The following RPSA2 variants were observed in gnomAD, a reference collection of about 807,000 sequenced individuals.
The protein encoded by RPSA2 is ribosomal protein SA 2, also known as small ribosomal subunit protein uS2B.
the RPSA2 span, among the ~76,000 whole-genome samples, chr19:23,800,190 G>A: frequency 2.5e-5 from 1 of 40,196 alleles, no homozygotes; most frequent in Non-Finnish European, 5.1e-5. Flanking sequence ...CACTATGCCC[G>A]TCTTTTTTAT....
chr19:23,833,492 C>T, the RPSA2 span, among the ~76,000 whole-genome samples: 1 of 152,024 alleles, frequency 6.6e-6, no homozygotes, highest in Non-Finnish European at 1.5e-5. Context: ...TGTGACAAAG[C>T]CTTTAAATGA....
the RPSA2 span, among the ~76,000 whole-genome samples, chr19:23,855,434 G>A: frequency 3.9e-5 from 6 of 152,180 alleles, no homozygotes; most frequent in East Asian, 1.9e-4. Flanking sequence ...TTTTAAAAAC[G>A]TAAGATTGAG....
the RPSA2 span, among the ~76,000 whole-genome samples, chr19:23,865,746 C>A: frequency 1.3e-5 from 2 of 152,216 alleles, no homozygotes; most frequent in Non-Finnish European, 2.9e-5. Flanking sequence ...ACTTTTGGGA[C>A]CTTATGCTTT....
chr19:23,776,764 C>T, the RPSA2 span, among the ~76,000 whole-genome samples: 1,690 of 152,288 alleles, frequency 0.011, 34 homozygotes, highest in African/African-American at 0.038. Context: ...TTGCCTTGGG[C>T]CTGCCCTCAG....
the RPSA2 span, among the ~76,000 whole-genome samples, chr19:23,836,100 C>T: frequency 6.6e-6 from 1 of 152,050 alleles, no homozygotes; most frequent in South Asian, 2.1e-4. Flanking sequence ...ACCCATCACC[C>T]AAGCAGTATA....
At chr19:23,775,857 G>A in the RPSA2 span, among the ~76,000 whole-genome samples, 1 of 152,196 alleles carries the variant, frequency 6.6e-6, no homozygotes, top group Non-Finnish European at 1.5e-5. Flanking sequence ...AGGAGGTGTT[G>A]ACTTTCATAC....
the RPSA2 span, among the ~76,000 whole-genome samples, chr19:23,795,783 C>G: frequency 6.6e-6 from 1 of 152,138 alleles, no homozygotes; most frequent in South Asian, 2.1e-4. Context: ...TTGTTTTTTT[C>G]CTTTATTTTT....
At chr19:23,862,362 C>T in the RPSA2 span, among the ~76,000 whole-genome samples, 21 of 151,034 alleles carry the variant, frequency 1.4e-4, no homozygotes, top group African/African-American at 4.9e-4. Context: ...AATTGAATAC[C>T]CTTTATTTCC....
the RPSA2 span, among the ~76,000 whole-genome samples, chr19:23,842,376 C>G: frequency 6.6e-6 from 1 of 152,096 alleles, no homozygotes; most frequent in Non-Finnish European, 1.5e-5. Flanking sequence ...CCTCTTTGTT[C>G]AGAATGAAGG....
At chr19:23,842,568 C>A in the RPSA2 span, 1 of 152,500 alleles carries the variant, frequency 6.6e-6, no homozygotes. Context: ...ACTTTCAAGG[C>A]TGTGGCCATA....
chr19:23,847,557 A>T, the RPSA2 span, among the ~76,000 whole-genome samples: 1 of 152,204 alleles, frequency 6.6e-6, no homozygotes, highest in Admixed American at 6.5e-5. Context: ...GGTCACAAAG[A>T]TCACGTGCTT....
the RPSA2 span, among the ~76,000 whole-genome samples, chr19:23,865,415 G>C: frequency 6.6e-6 from 1 of 152,164 alleles, no homozygotes; most frequent in Non-Finnish European, 1.5e-5. Context: ...CAGTAGGAGA[G>C]GGATTGAAAT....
chr19:23,761,920 CTTT>C, the RPSA2 span, among the ~76,000 whole-genome samples: 2 of 32,400 alleles, frequency 6.2e-5, no homozygotes, highest in Admixed American at 3.2e-4. Context: ...TTCTTTCTTT[CTTT>C]TTTTTTTTTT....
the RPSA2 span, among the ~76,000 whole-genome samples, chr19:23,867,460 A>G: frequency 0.98 from 148,938 of 152,268 alleles, 72,935 homozygotes; most frequent in Middle Eastern, 1. Flanking sequence ...AAGGACATGG[A>G]ATATCAGAGT....
chr19:23,801,701 A>G, the RPSA2 span, among the ~76,000 whole-genome samples: 2 of 152,202 alleles, frequency 1.3e-5, no homozygotes, highest in Non-Finnish European at 2.9e-5. Context: ...ACAAATAAGA[A>G]TTTCTCACAA....
chr19:23,779,770 G>T, the RPSA2 span, among the ~76,000 whole-genome samples: 1 of 152,284 alleles, frequency 6.6e-6, no homozygotes, highest in Non-Finnish European at 1.5e-5. Context: ...AAGATGTGAT[G>T]CCTTTTCTAT....
At chr19:23,851,724 G>T in the RPSA2 span, among the ~76,000 whole-genome samples, 1 of 152,172 alleles carries the variant, frequency 6.6e-6, no homozygotes, top group African/African-American at 2.4e-5. Flanking sequence ...CAGCATTTCC[G>T]TTACTGGAGC....
chr19:23,833,264 A>G, the RPSA2 span: 1 of 933,602 alleles, frequency 1.1e-6, no homozygotes, highest in Non-Finnish European at 1.4e-6. Flanking sequence ...CTTACAACTT[A>G]ATGCACATAA....
the RPSA2 span, among the ~76,000 whole-genome samples, chr19:23,761,303 C>T: frequency 6.6e-6 from 1 of 152,042 alleles, no homozygotes; most frequent in Non-Finnish European, 1.5e-5. Flanking sequence ...TGGTCTTGAA[C>T]CCCTGGGCTT....
Sources: allele counts gnomAD v4.1 joint callset (sites outside exome capture counted in the v4.1 genomes callset), GRCh38; gene constraint gnomAD v4.1.1; transcripts MANE v1.5; gene names NCBI Gene and HGNC (gene_info 2026-07-23, HGNC 2026-07-21).